Variants in INPPL1 observed in about 807,000 individuals in gnomAD.
The protein encoded by INPPL1 is phosphatidylinositol 3,4,5-trisphosphate 5-phosphatase 2.
In INPPL1, 91 loss-of-function variants were observed where a neutral mutation model predicts 139.3. That is an observed-to-expected ratio of 0.65 (90% CI 0.55 to 0.78). INPPL1 has a LOEUF of 0.78. Among genes scored for constraint, INPPL1 ranks in the 30% least tolerant of loss-of-function variants. The pLI is 0.00. For synonymous variants in INPPL1, 719 were observed against 686.6 expected (o/e 1.05, Z -0.74); for missense variants, 1,411 against 1,665.6 (o/e 0.85, Z 2.66).
rs1949051725 is a variant in INPPL1 at position 72,238,148 on chromosome 11, A to T, written c.3659A>T (p.Asn1220Ile). 1 of 1,592,450 alleles carries T rather than the reference A, an allele frequency of 6.3e-7. No individual in the cohort carries two copies. Among genetic ancestry groups the T allele is most frequent in the Non-Finnish European group, 8.5e-7 (1 of 1,169,728 alleles). The change falls in exon 27 of 28, where the codon AAT (asparagine) becomes ATT (isoleucine). Residue 1220 changes from asparagine (N) to isoleucine (I), a missense_variant. Asn to Ile is a moderately radical substitution (Grantham distance 149). This residue lies in a region of INPPL1 where 438 missense variants were observed against 425.7 expected (regional missense o/e 1.03). Transcript: ENST00000298229. ...CGCTATGAGGAGGGCCTGGTGCATA[A>T]TGGCTGGGACGACCTGGAGTTTCTC... is the stretch of plus-strand genomic sequence containing the variant. ...LERYEEGLVH[N>I]GWDDLEFLSD...
Position 72,230,108 on chromosome 11 carries a change from A to G in INPPL1, c.940-13A>G. The G allele has an allele frequency of 6.2e-7, 1 of 1,610,920 alleles. No individual in the cohort carries two copies. Among genetic ancestry groups the G allele is most frequent in the South Asian group, 1.1e-5 (1 of 90,940 alleles). ...CCAAGGTCTTGTCAGCAGCCTCCCC[A>G]CCTGGCCTACAGGTGAAGCTAGATG... On this transcript the variant is annotated splice_polypyrimidine_tract_variant and intron_variant, in intron 8 of 27. Transcript: ENST00000298229.
intron 7 of INPPL1, 28 bp from the exon 8 acceptor site, chr11:72,229,896 G>A (rs368801717): frequency 2.2e-5 from 35 of 1,607,484 alleles, no homozygotes; most frequent in Admixed American, 5.0e-5. Context: ...TGTGTCCCCT[G>A]ACCCCGCCCT....
At position 72,235,666 on chromosome 11, in the gene INPPL1, C is replaced by T; in HGVS notation, c.2660-9C>T. 1 of 1,613,788 alleles carries T rather than the reference C, an allele frequency of 6.2e-7. No homozygotes were observed. On this transcript the variant is annotated splice_polypyrimidine_tract_variant and intron_variant, in intron 23 of 27. Coordinates refer to ENST00000298229, the MANE Select transcript of INPPL1 (RefSeq NM_001567.4). This position sits in a 1 kb window ranked among gnomAD's most constrained non-coding sequence, Gnocchi z 4.9. ...GGTCTCCTCTGAGTCTCCCTTCCTGCCCCCTCAGAGTGGATCAGCATTGAT... is the reference window on the plus strand; with the variant it reads ...GGTCTCCTCTGAGTCTCCCTTCCTGTCCCCTCAGAGTGGATCAGCATTGAT...
rs755743854 is a variant in INPPL1 at position 72,234,591 on chromosome 11, G to A, written c.2391G>A (p.Gln797=). ...SSDNINFLKV[Q]WSSRQLPTLK... ...ACAACATCAACTTCCTCAAAGTGCA[G>A]TGGTCTTCACGCCAGCTGCCCACGG... The change falls in exon 21 of 28, where the codon CAG becomes CAA. Residue 797 remains glutamine (Q), a synonymous_variant. Transcript: ENST00000298229. The surrounding 1 kb of genome is among the most constrained non-coding windows in gnomAD (Gnocchi z 4.2). The A allele has an allele frequency of 6.2e-7, 1 of 1,613,872 alleles. No homozygotes were observed.
intron 12 of INPPL1, 104 bp from the exon 13 acceptor site, chr11:72,231,394 A>G (rs1948830419): frequency 1.9e-6 from 2 of 1,043,468 alleles, no homozygotes; most frequent in Non-Finnish European, 2.9e-6. Context: ...AGGGGTGGCA[A>G]GCCTTCCTAC....
At chr11:72,223,931 G>C (rs1386584116), upstream of INPPL1, 1 of 152,682 alleles carries the variant, frequency 6.5e-6, no homozygotes, top group Non-Finnish European at 1.5e-5. Context: ...GCCGCTGTCC[G>C]GGGAAGGGGG....
intron 5 of INPPL1, 66 bp downstream of exon 5, chr11:72,229,296 G>A: frequency 6.6e-7 from 1 of 1,512,938 alleles, no homozygotes. Flanking sequence ...CTGCTTCCCG[G>A]CTGCACAGGT....
At chr11:72,227,099 C>T (rs534872099) in intron 1 of INPPL1, among the ~76,000 whole-genome samples, 63 of 152,260 alleles carry the variant, frequency 4.1e-4, no homozygotes, top group Admixed American at 1.4e-3. Flanking sequence ...GTATACATTC[C>T]GGGTGTTCAT....
At chr11:72,226,211 C>T (rs912098922) in intron 1 of INPPL1, among the ~76,000 whole-genome samples, 5 of 142,866 alleles carry the variant, frequency 3.5e-5, no homozygotes, top group African/African-American at 5.2e-5. Flanking sequence ...GAAAGAGTCT[C>T]GCTCTGTTGC....
intron 1 of INPPL1, among the ~76,000 whole-genome samples, chr11:72,226,787 A>AC (rs1490829900): frequency 6.6e-6 from 1 of 151,916 alleles, no homozygotes; most frequent in South Asian, 2.1e-4. Context: ...TCTGAGGCAT[A>AC]CCCCCTAATT....
chr11:72,229,360 C>T, intron 5 of INPPL1, 105 bp from the exon 6 acceptor site: 1 of 1,406,210 alleles, frequency 7.1e-7, no homozygotes, highest in Non-Finnish European at 1.0e-6. Context: ...TGACTTTCCT[C>T]ACTGGTAGCC....
At chr11:72,233,555 C>T in intron 18 of INPPL1, 33 bp downstream of exon 18, 2 of 1,607,552 alleles carry the variant, frequency 1.2e-6, no homozygotes, top group Non-Finnish European at 1.7e-6. Context: ...GATGGGAGAT[C>T]TGGGGTGGTC....
At chr11:72,236,211 T>C (rs1271448613) in intron 25 of INPPL1, among the ~76,000 whole-genome samples, 2 of 152,210 alleles carry the variant, frequency 1.3e-5, no homozygotes, top group Non-Finnish European at 2.9e-5. Flanking sequence ...ATTCTGCCTT[T>C]AAAAATGGAA....
rs1189785736 is a variant in INPPL1, at chr11:72,229,449, C to A, written c.660-16C>A. Reference sequence around the variant, plus strand: ...AGGTCGGGGTGGGAGTTCTTTTGATCTGATGTCTTCCCTAGTGAGGTGGAC... The same window carrying A: ...AGGTCGGGGTGGGAGTTCTTTTGATATGATGTCTTCCCTAGTGAGGTGGAC... On this transcript the variant is annotated splice_polypyrimidine_tract_variant and intron_variant, in intron 5 of 27. Transcript: ENST00000298229. The A allele has an allele frequency of 1.2e-6, 2 of 1,612,232 alleles. No individual in the cohort carries two copies. The highest frequency in any genetic ancestry group is 1.1e-5 in the South Asian group (1 of 91,044).
At chr11:72,232,155 C>T (rs531943730) in intron 13 of INPPL1, 85 bp from the exon 14 acceptor site, 8 of 1,094,580 alleles carry the variant, frequency 7.3e-6, no homozygotes, top group Non-Finnish European at 1.1e-5. Flanking sequence ...GGAGGATCCT[C>T]TCACTGCAGC....
In INPPL1 at chr11:72,234,715, C is replaced by CAGAG. The variant is rs539009625; in HGVS notation, c.2415+115_2415+118dup. On this transcript the variant is annotated intron_variant, in intron 21 of 27. Transcript: ENST00000298229. The surrounding 1 kb of genome is among the most constrained non-coding windows in gnomAD (Gnocchi z 4.2). ...TGCCTGGGAGGGAGTGTGGGGCCAGCAGAGAGAGAGAGAGAGAGTGTGTGT... is the reference window on the plus strand; with the variant it reads ...TGCCTGGGAGGGAGTGTGGGGCCAGCAGAGAGAGAGAGAGAGAGAGAGTGTGTGT... 1.0e-3 allele frequency: 641 copies of CAGAG among 615,126 alleles called. 1 individual carries two copies. Among genetic ancestry groups the CAGAG allele is most frequent in the African/African-American group, 7.7e-3 (387 of 50,432 alleles). 38.1% of individuals were successfully genotyped at this position (615,126 alleles called of 1,614,324 possible).
At chr11:72,227,977 G>T in intron 1 of INPPL1, 1 of 570,272 alleles carries the variant, frequency 1.8e-6, no homozygotes, top group South Asian at 2.0e-5. Context: ...GTGGGGAGAC[G>T]GGGGTGTTCT....
Position 72,231,603 on chromosome 11 carries a change from G to A in INPPL1, c.1603G>A (p.Ala535Thr). The A allele has an allele frequency of 1.9e-6, 3 of 1,612,576 alleles. No individual in the cohort carries two copies. The highest frequency in any genetic ancestry group is 1.7e-6 in the Non-Finnish European group (2 of 1,179,228). ...VSTSSVKTGI[A>T]NTLGNKGAVG... ...TACGTCCAGTGTGAAGACTGGCATC[G>A]CCAACACCCTGGGTAAGTGGGGCTG... The change falls in exon 13 of 28, where the codon GCC becomes ACC. Residue 535 changes from alanine (A) to threonine (T), a missense_variant. Coordinates refer to ENST00000298229, the MANE Select transcript of INPPL1 (RefSeq NM_001567.4).
chr11:72,234,563 G>A lies in INPPL1; in HGVS notation c.2363G>A (p.Ser788Asn). 6.2e-7 allele frequency: 1 copy of A among 1,612,702 alleles called. No homozygotes were observed. The highest frequency in any genetic ancestry group is 8.5e-7 in the Non-Finnish European group (1 of 1,178,808). ...AGCTTTGAGAATGATGCCCAGAGCA[G>A]TGACAACATCAACTTCCTCAAAGTG... is the stretch of plus-strand genomic sequence containing the variant. ...KKSFENDAQS[S>N]DNINFLKVQW... The change falls in exon 21 of 28, where the codon AGT (serine) becomes AAT (asparagine). Residue 788 changes from serine (S) to asparagine (N), a missense_variant. Transcript: ENST00000298229. This position sits in a 1 kb window ranked among gnomAD's most constrained non-coding sequence, Gnocchi z 4.2.
Sources: allele counts gnomAD v4.1 joint callset (sites outside exome capture counted in the v4.1 genomes callset), GRCh38; gene constraint gnomAD v4.1.1; regional missense constraint gnomAD v4.1.1; non-coding constraint Gnocchi (gnomAD v3.1); transcripts MANE v1.5; gene names NCBI Gene and HGNC (gene_info 2026-07-23, HGNC 2026-07-21).